The following NUDC variants were observed in gnomAD, a reference collection of about 807,000 sequenced individuals.
NUDC encodes nuclear distribution C, dynein complex regulator.
In NUDC, 14 loss-of-function variants were observed where a neutral mutation model predicts 45.0. The ratio of observed to expected loss-of-function variants is 0.31; its 90% CI spans 0.21 to 0.49. The LOEUF is 0.49. Among genes scored for constraint, NUDC ranks in the 20% least tolerant of loss-of-function variants. NUDC has a pLI of 0.99. For missense variants in NUDC, 323 were observed against 426.2 expected, an observed-to-expected ratio of 0.76 and a Z score of 2.13; for synonymous variants, 153 against 156.7, an observed-to-expected ratio of 0.98 and a Z score of 0.17.
At chr1:26,941,846 G>A (rs746538363) in intron 4 of NUDC, 28 bp downstream of exon 4, 2 of 1,609,092 alleles carry the variant, frequency 1.2e-6, no homozygotes, top group Admixed American at 1.7e-5. Context: ...GACTTGGGAT[G>A]AGCCAGGAGC....
At chr1:26,928,389 A>G (rs1272410800) in intron 2 of NUDC, among the ~76,000 whole-genome samples, 7 of 152,236 alleles carry the variant, frequency 4.6e-5, no homozygotes, top group African/African-American at 1.7e-4. Flanking sequence ...AAGCTATAAA[A>G]GAAGAGATAG....
intron 2 of NUDC, among the ~76,000 whole-genome samples, chr1:26,910,639 G>A (rs935896760): frequency 6.6e-6 from 1 of 152,270 alleles, no homozygotes; most frequent in South Asian, 2.1e-4. Flanking sequence ...GACTTACTGC[G>A]GGTGAAAGGG....
chr1:26,906,170 C>T (rs780377097), intron 2 of NUDC, among the ~76,000 whole-genome samples: 8 of 151,864 alleles, frequency 5.3e-5, no homozygotes, highest in Non-Finnish European at 1.2e-4. Flanking sequence ...ATCCCAGCTA[C>T]TTGGGAGGTT....
chr1:26,943,810 G>T (rs917950899), intron 6 of NUDC, among the ~76,000 whole-genome samples: 3 of 152,134 alleles, frequency 2.0e-5, no homozygotes, highest in Admixed American at 2.0e-4. Flanking sequence ...AGGGCCAAGG[G>T]TCTGAGGAGA....
chr1:26,936,337 G>C (rs1174661226), intron 2 of NUDC, among the ~76,000 whole-genome samples: 2 of 148,696 alleles, frequency 1.3e-5, no homozygotes, highest in Admixed American at 6.8e-5. Flanking sequence ...TTACAGGCAT[G>C]CGCCACCACG....
intron 2 of NUDC, among the ~76,000 whole-genome samples, chr1:26,928,159 C>T (rs2082149481): frequency 6.6e-6 from 1 of 152,062 alleles, no homozygotes; most frequent in Admixed American, 6.6e-5. Flanking sequence ...GAAATAAAGT[C>T]TGGCATTTAT....
chr1:26,926,501 G>T (rs2082134024), intron 2 of NUDC, among the ~76,000 whole-genome samples: 1 of 152,172 alleles, frequency 6.6e-6, no homozygotes, highest in Non-Finnish European at 1.5e-5. Flanking sequence ...TGGCCTTTCT[G>T]TGGGTCAGAC....
chr1:26,906,756 G>A (rs2082004744), intron 2 of NUDC, among the ~76,000 whole-genome samples: 1 of 152,150 alleles, frequency 6.6e-6, no homozygotes, highest in African/African-American at 2.4e-5. Flanking sequence ...GGCTGAGGCA[G>A]GAGAATGGTG....
chr1:26,940,097 G>A (rs1395784936), intron 2 of NUDC, among the ~76,000 whole-genome samples: 4 of 152,156 alleles, frequency 2.6e-5, no homozygotes, highest in Non-Finnish European at 4.4e-5. Context: ...GAAGTTGATA[G>A]CTTGCTTGCT....
At chr1:26,913,010 C>T (rs934646198) in intron 3 of NUDC, among the ~76,000 whole-genome samples, 1 of 152,178 alleles carries the variant, frequency 6.6e-6, no homozygotes, top group Non-Finnish European at 1.5e-5. Flanking sequence ...TGGCCAAGCA[C>T]GGTGGCTCAC....
intron 3 of NUDC, chr1:26,912,194 T>C (rs2082032165): frequency 1.4e-6 from 2 of 1,409,506 alleles, no homozygotes; most frequent in Non-Finnish European, 1.9e-6. Context: ...CTGCCTCCTT[T>C]GCTCGGCCTT....
At chr1:26,919,450 C>T (rs972555189), upstream of NUDC, among the ~76,000 whole-genome samples, 24 of 152,212 alleles carry the variant, frequency 1.6e-4, no homozygotes, top group Admixed American at 5.9e-4. Flanking sequence ...CATGAGCCTC[C>T]GCAGTCGGCC....
exon 3 of NUDC, chr1:26,911,168 G>A (rs2082024034): frequency 8.5e-6 from 4 of 470,826 alleles, no homozygotes; most frequent in Middle Eastern, 3.2e-4. Context: ...AGAAATGGCA[G>A]TGAACTTGTC....
chr1:26,923,156 AGACT>A (rs1186183003), intron 1 of NUDC, among the ~76,000 whole-genome samples: 3 of 152,210 alleles, frequency 2.0e-5, no homozygotes, highest in African/African-American at 7.2e-5. Flanking sequence ...GGTGGCAGAC[AGACT>A]AAGCCATGGT....
intron 2 of NUDC, among the ~76,000 whole-genome samples, chr1:26,932,523 A>G (rs2082191999): frequency 6.6e-6 from 1 of 151,758 alleles, no homozygotes; most frequent in Non-Finnish European, 1.5e-5. Context: ...AGGTTTTACC[A>G]TGTTTCCCAG....
chr1:26,935,172 G>C (rs1000114546), intron 2 of NUDC, among the ~76,000 whole-genome samples: 2 of 151,786 alleles, frequency 1.3e-5, no homozygotes, highest in Non-Finnish European at 2.9e-5. Context: ...AGTAGAGACA[G>C]GGTTTCACTG....
chr1:26,942,588 CT>C, intron 4 of NUDC, 71 bp from the exon 5 acceptor site: 7 of 1,600,624 alleles, frequency 4.4e-6, no homozygotes, highest in Non-Finnish European at 6.0e-6. Flanking sequence ...TAGCCCTGGG[CT>C]TGGCCCAGTG....
At position 26,911,685 on chromosome 1, in the gene NUDC, A is replaced by G. The variant is rs139665461; in HGVS notation, c.93+450A>G. ...CACTGTGTCCAAACCAAGGAAGTCC[A>G]ATGTGGGGTGTGGCTGAGTGAAGAG... On this transcript the variant is annotated intron_variant, in intron 3 of 6. Coordinates refer to the NUDC transcript ENST00000435827. 4.0e-3 allele frequency: 3,358 copies of G among 831,196 alleles called. 117 individuals are homozygous for G. The Admixed American group carries it at 0.058, about 14-fold the overall frequency. The allele number at this position is 831,196 out of a possible 1,614,324, so 51.5% of individuals were successfully genotyped here.
At chr1:26,900,322 C>T in exon 1 of NUDC, 1 of 1,614,030 alleles carries the variant, frequency 6.2e-7, no homozygotes, top group Non-Finnish European at 8.5e-7. Context: ...AAGCCACCGC[C>T]GCGCTCTTCT....
Sources: gnomAD v4.1 joint callset for allele counts (sites outside exome capture counted in the v4.1 genomes callset) on GRCh38, gnomAD v4.1.1 for gene constraint, MANE v1.5 for transcripts, NCBI Gene and HGNC (gene_info 2026-07-23, HGNC 2026-07-21) for gene names.